Variants in SULT6B1 observed in about 807,000 individuals in gnomAD.
The protein encoded by SULT6B1 is sulfotransferase family 6B member 1, also known as sulfotransferase 6B1.
In SULT6B1, 44 loss-of-function variants were observed where a neutral mutation model predicts 37.2. That is an observed-to-expected ratio of 1.18 (90% CI 0.93 to 1.52). The LOEUF is 1.52. Ranked by LOEUF, SULT6B1 falls within the 40% of genes most tolerant of loss-of-function variation. The probability of loss-of-function intolerance (pLI) is 0.00; values close to 1 mark genes in which losing one functional copy is unlikely to be tolerated. For synonymous variants in SULT6B1, 140 were observed against 126.0 expected, an observed-to-expected ratio of 1.11 and a Z score of -0.74; for missense variants, 450 against 361.0, an observed-to-expected ratio of 1.25 and a Z score of -2.00.
intron 5 of SULT6B1, among the ~76,000 whole-genome samples, 199 bp downstream of exon 5, chr2:37,174,933 C>G (rs539786578): frequency 1.3e-5 from 2 of 152,066 alleles, no homozygotes; most frequent in Non-Finnish European, 2.9e-5. Context: ...AGTTGCTAAG[C>G]GTTATTTTAT....
intron 4 of SULT6B1, among the ~76,000 whole-genome samples, chr2:37,176,233 TGCCTGCTTCATAGTAA>T (rs1473493106): frequency 6.7e-6 from 1 of 149,436 alleles, no homozygotes; most frequent in African/African-American, 2.4e-5. Context: ...CTAAAAACAG[TGCCTGCTTCATAGTAA>T]CACGCAATAG....
rs1288050323 is a variant in SULT6B1, at chr2:37,188,378, C to G, written c.199+64G>C. 2.1e-6 allele frequency: 3 copies of G among 1,430,328 alleles called. No homozygotes were observed. The African/African-American group carries it at 4.2e-5, about 20-fold the overall frequency. 88.6% of individuals were successfully genotyped at this position (1,430,328 alleles called of 1,614,324 possible). On this transcript the variant is annotated intron_variant, in intron 1 of 6. Transcript: ENST00000535679. ...GGAACCGCCTTCATCCCACCTTTGT[C>G]TCATACCCTCCCCAACCTACTCACT...
At chr2:37,171,936 A>G (rs1425916489) in intron 5 of SULT6B1, among the ~76,000 whole-genome samples, 1 of 152,210 alleles carries the variant, frequency 6.6e-6, no homozygotes, top group Non-Finnish European at 1.5e-5. Context: ...AGCTGAAGAA[A>G]TTAATGTATT....
chr2:37,173,138 C>T (rs1378680615), intron 5 of SULT6B1, among the ~76,000 whole-genome samples: 1 of 152,186 alleles, frequency 6.6e-6, no homozygotes, highest in Non-Finnish European at 1.5e-5. Flanking sequence ...CAGGCGTGAG[C>T]CACCATGCCT....
At chr2:37,183,898 C>G (rs1269598992) in intron 2 of SULT6B1, among the ~76,000 whole-genome samples, 1 of 152,192 alleles carries the variant, frequency 6.6e-6, no homozygotes, top group Non-Finnish European at 1.5e-5. Context: ...CTCGCCTCAG[C>G]CTCCCAAAGT....
intron 3 of SULT6B1, 71 bp downstream of exon 3, chr2:37,183,354 T>C: frequency 3.3e-6 from 4 of 1,200,910 alleles, no homozygotes; most frequent in South Asian, 2.7e-5. Flanking sequence ...AACAAACTCA[T>C]GATCTACTTC....
At chr2:37,184,211 T>C (rs1380679774) in intron 2 of SULT6B1, among the ~76,000 whole-genome samples, 2 of 152,216 alleles carry the variant, frequency 1.3e-5, no homozygotes, top group African/African-American at 4.8e-5. Context: ...GTCAAGTCTT[T>C]CCACAGTTCC....
Position 37,168,040 on chromosome 2 carries a change from C to T in SULT6B1, c.807G>A (p.Leu269=), listed in dbSNP as rs374257045. Reference sequence around the variant, plus strand: ...TTTCCTGGTTCTGAATTTCACTGAACAAATTTTTCCAATCACCAACTTCAC... The same window carrying T: ...TTTCCTGGTTCTGAATTTCACTGAATAAATTTTTCCAATCACCAACTTCAC... ...RKGEVGDWKN[L]FSEIQNQEMD... Residue 269 remains leucine, a synonymous_variant, in exon 7 of 7, where the codon TTG becomes TTA. Transcript: ENST00000535679. 2.6e-5 allele frequency: 41 copies of T among 1,595,206 alleles called. No homozygotes were observed. Among genetic ancestry groups the T allele is most frequent in the Non-Finnish European group, 3.0e-5 (35 of 1,175,528 alleles).
At chr2:37,194,560 TG>T in intron 1 of SULT6B1, 1 of 382,400 alleles carries the variant, frequency 2.6e-6, no homozygotes, top group South Asian at 2.1e-5. Context: ...TGCACACATC[TG>T]GAGTTCCCAT....
intron 3 of SULT6B1, among the ~76,000 whole-genome samples, chr2:37,180,540 T>C (rs1339132771): frequency 6.6e-6 from 1 of 152,158 alleles, no homozygotes; most frequent in Non-Finnish European, 1.5e-5. Context: ...TGATTTCTCC[T>C]ACAGAAAAAG....
intron 4 of SULT6B1, among the ~76,000 whole-genome samples, chr2:37,178,232 A>AT (rs1045545034): frequency 4.0e-5 from 6 of 151,786 alleles, no homozygotes; most frequent in African/African-American, 1.4e-4. Flanking sequence ...TTATTTCTTT[A>AT]TTTTTTATTT....
chr2:37,172,157 C>G (rs554247692), intron 5 of SULT6B1, among the ~76,000 whole-genome samples: 66 of 152,078 alleles, frequency 4.3e-4, no homozygotes, highest in Non-Finnish European at 8.7e-4. Flanking sequence ...CTCCAGCAAT[C>G]CTCACACCTC....
chr2:37,179,052 G>A (rs142130994), intron 4 of SULT6B1, among the ~76,000 whole-genome samples: 114 of 152,306 alleles, frequency 7.5e-4, no homozygotes, highest in Non-Finnish European at 1.4e-3. Context: ...CCTGCCTTCT[G>A]GGTATAAGCA....
rs12992871 is a variant in SULT6B1 at position 37,185,583 on chromosome 2, T to C, written c.312+1772A>G. Among the ~76,000 whole-genome samples the C allele has an allele frequency of 6.9e-3, 1,052 of 151,974 alleles. 5 individuals carry two copies. Among genetic ancestry groups the C allele is most frequent in the Non-Finnish European group, 0.012 (792 of 67,964 alleles). On this transcript the variant is annotated intron_variant, in intron 2 of 6. Transcript: ENST00000535679. ...AATACAAAACATTAGCTAGGCATGATGGCGCACACCTATAATCCCAGCTAC... is the reference window on the plus strand; with the variant it reads ...AATACAAAACATTAGCTAGGCATGACGGCGCACACCTATAATCCCAGCTAC...
At chr2:37,190,720 G>A (rs1188901044), upstream of SULT6B1, among the ~76,000 whole-genome samples, 1 of 152,118 alleles carries the variant, frequency 6.6e-6, no homozygotes, top group Non-Finnish European at 1.5e-5. Flanking sequence ...GTTTTTAAGG[G>A]GGAAATGTAT....
chr2:37,190,801 G>A (rs979193310), upstream of SULT6B1, among the ~76,000 whole-genome samples: 2 of 152,102 alleles, frequency 1.3e-5, no homozygotes, highest in Admixed American at 1.3e-4. Flanking sequence ...TTGGGTAATT[G>A]CCTGTTTGGA....
chr2:37,186,925 A>G (rs922121973), intron 2 of SULT6B1, among the ~76,000 whole-genome samples: 1 of 152,128 alleles, frequency 6.6e-6, no homozygotes, highest in Non-Finnish European at 1.5e-5. Flanking sequence ...CTAGGAAAAG[A>G]CTGGTGATTC....
intron 3 of SULT6B1, among the ~76,000 whole-genome samples, chr2:37,182,983 G>A (rs1269629272): frequency 1.3e-5 from 2 of 151,944 alleles, no homozygotes; most frequent in Non-Finnish European, 2.9e-5. Flanking sequence ...TCAGGAGTTC[G>A]AGACCAGCCT....
At chr2:37,192,908 A>G (rs748428083), upstream of SULT6B1, among the ~76,000 whole-genome samples, 1 of 152,142 alleles carries the variant, frequency 6.6e-6, no homozygotes, top group Non-Finnish European at 1.5e-5. Flanking sequence ...TACATACTCA[A>G]CTCTGAGTTG....
Sources: gnomAD v4.1 joint callset for allele counts (sites outside exome capture counted in the v4.1 genomes callset) on GRCh38, gnomAD v4.1.1 for gene constraint, MANE v1.5 for transcripts, NCBI Gene and HGNC (gene_info 2026-07-23, HGNC 2026-07-21) for gene names.